Variants in SH3RF1 observed in about 807,000 individuals in gnomAD.
SH3RF1 encodes SH3 domain containing ring finger 1, also known as E3 ubiquitin-protein ligase SH3RF1.
In SH3RF1, 32 loss-of-function variants were observed where a neutral mutation model predicts 74.0. That is an observed-to-expected ratio of 0.43 (90% CI 0.33 to 0.58). The LOEUF (loss-of-function observed/expected upper bound fraction) is 0.58, where lower values mean the gene tolerates loss of function less well. Among genes scored for constraint, SH3RF1 ranks in the 20% least tolerant of loss-of-function variants. The pLI is 0.05. For missense variants in SH3RF1, 954 were observed against 1,130.9 expected, an observed-to-expected ratio of 0.84 and a Z score of 2.24; for synonymous variants, 396 against 439.6, an observed-to-expected ratio of 0.90 and a Z score of 1.24.
intron 2 of SH3RF1, among the ~76,000 whole-genome samples, chr4:169,158,402 A>C (rs1734096830): frequency 6.6e-6 from 1 of 152,226 alleles, no homozygotes; most frequent in Non-Finnish European, 1.5e-5. Flanking sequence ...TGGGGAGCAT[A>C]AAGAATGCAG....
chr4:169,266,276 C>T (rs925815210), intron 2 of SH3RF1, among the ~76,000 whole-genome samples: 4 of 152,194 alleles, frequency 2.6e-5, no homozygotes, highest in Non-Finnish European at 5.9e-5. Context: ...CAGAACATAA[C>T]TAATAAACTG....
chr4:169,202,314 T>C (rs901865045), intron 2 of SH3RF1, among the ~76,000 whole-genome samples: 2 of 152,176 alleles, frequency 1.3e-5, no homozygotes, highest in East Asian at 3.9e-4. Context: ...GGAGGCTAGT[T>C]CTTGGTATGA....
chr4:169,145,591 A>C (rs1733862681), intron 4 of SH3RF1, among the ~76,000 whole-genome samples: 1 of 141,148 alleles, frequency 7.1e-6, no homozygotes, highest in Non-Finnish European at 1.5e-5. Flanking sequence ...TATCATATAT[A>C]ATAATGGTCA....
At chr4:169,117,474 G>A in intron 9 of SH3RF1, 49 bp downstream of exon 9, 2 of 1,590,674 alleles carry the variant, frequency 1.3e-6, no homozygotes, top group Non-Finnish European at 8.6e-7. Flanking sequence ...CTACTATTAG[G>A]CAGGTAAGCC....
In SH3RF1 at chr4:169,156,608, G is replaced by A. The variant is rs770550740; in HGVS notation, c.465C>T (p.Phe155=). The A allele has an allele frequency of 4.3e-6, 7 of 1,613,784 alleles. No homozygotes were observed. The highest frequency in any genetic ancestry group is 4.0e-5 in the African/African-American group (3 of 74,852). The change falls in exon 3 of 12, where the codon TTC becomes TTT. Residue 155 remains phenylalanine (F), a synonymous_variant. Coordinates refer to ENST00000284637, the MANE Select transcript of SH3RF1 (RefSeq NM_020870.4). ...YEGKEPGDLK[F]SKGDIIILRR... is the part of the protein sequence containing the mutation. ...GCAAAATGATGATGTCACCTTTGCT[G>A]AATTTAAGGTCTCCAGGCTCTTTTC... is the stretch of plus-strand genomic sequence containing the variant.
At chr4:169,217,553 G>A (rs1730487496) in intron 2 of SH3RF1, 1 of 152,190 alleles carries the variant, frequency 6.6e-6, no homozygotes, top group Admixed American at 6.6e-5. Flanking sequence ...ACTAGAGACA[G>A]AAAGAAAAGC....
chr4:169,122,342 G>A (rs1733455362), intron 6 of SH3RF1, 76 bp from the exon 7 acceptor site: 1 of 1,444,882 alleles, frequency 6.9e-7, no homozygotes, highest in Non-Finnish European at 9.3e-7. Flanking sequence ...ATGGAAGGTG[G>A]GAGAGAAAAA....
intron 2 of SH3RF1, among the ~76,000 whole-genome samples, chr4:169,175,722 T>TA (rs1052363689): frequency 6.6e-6 from 1 of 152,130 alleles, no homozygotes; most frequent in Non-Finnish European, 1.5e-5. Flanking sequence ...CCATAAGCTC[T>TA]AAAAAAACTG....
intron 2 of SH3RF1, among the ~76,000 whole-genome samples, chr4:169,199,782 T>C (rs145382708): frequency 3.1e-4 from 47 of 152,194 alleles, no homozygotes; most frequent in African/African-American, 1.0e-3. Context: ...TAAAAAGGTG[T>C]GACAAATATA....
At chr4:169,113,867 A>G (rs751725973) in intron 10 of SH3RF1, among the ~76,000 whole-genome samples, 9 of 152,214 alleles carry the variant, frequency 5.9e-5, no homozygotes, top group Admixed American at 1.3e-4. Context: ...AGCATTAGAG[A>G]AAAGACACAA....
At chr4:169,106,140 T>G (rs1733130682) in intron 11 of SH3RF1, among the ~76,000 whole-genome samples, 1 of 151,528 alleles carries the variant, frequency 6.6e-6, no homozygotes, top group Non-Finnish European at 1.5e-5. Context: ...TGAGATGGAG[T>G]CCTGCTCTGT....
At chr4:169,120,732 G>T in intron 8 of SH3RF1, 87 bp downstream of exon 8, 1 of 1,414,248 alleles carries the variant, frequency 7.1e-7, no homozygotes, top group Non-Finnish European at 9.6e-7. Flanking sequence ...ATTATAATGT[G>T]AAAGGAATCT....
chr4:169,151,986 T>A lies in SH3RF1; in HGVS notation c.765+3494A>T, dbSNP rs150556211. Among the ~76,000 whole-genome samples the A allele has an allele frequency of 4.8e-3, 734 of 152,312 alleles. 5 individuals carry two copies. Among genetic ancestry groups the A allele is most frequent in the Non-Finnish European group, 8.6e-3 (587 of 68,026 alleles). On this transcript the variant is annotated intron_variant, in intron 4 of 11. Transcript: ENST00000284637. ...ATGAGTCAGCTCCAAATTAATAGGGTTAAAAATCTTTCCTTCTATTTTACA... is the reference window on the plus strand; with the variant it reads ...ATGAGTCAGCTCCAAATTAATAGGGATAAAAATCTTTCCTTCTATTTTACA...
At chr4:169,142,763 A>G (rs1733807340) in intron 4 of SH3RF1, among the ~76,000 whole-genome samples, 1 of 152,240 alleles carries the variant, frequency 6.6e-6, no homozygotes, top group Non-Finnish European at 1.5e-5. Context: ...AATGCTATGG[A>G]ATGGAAATTC....
intron 2 of SH3RF1, among the ~76,000 whole-genome samples, chr4:169,240,897 T>C (rs568842323): frequency 5.3e-5 from 8 of 152,248 alleles, no homozygotes; most frequent in East Asian, 1.9e-4. Flanking sequence ...ATCCCCCTCA[T>C]TGCAAGGAAG....
At chr4:169,161,739 A>G (rs1734151182) in intron 2 of SH3RF1, among the ~76,000 whole-genome samples, 1 of 152,256 alleles carries the variant, frequency 6.6e-6, no homozygotes, top group Non-Finnish European at 1.5e-5. Context: ...TAACTCAGTT[A>G]TATCTAAATT....
chr4:169,192,117 A>C (rs953319639), intron 2 of SH3RF1, among the ~76,000 whole-genome samples: 18 of 152,324 alleles, frequency 1.2e-4, no homozygotes, highest in Admixed American at 5.2e-4. Flanking sequence ...CAACCCACAG[A>C]GTGGGAGAAA....
At chr4:169,264,185 G>T (rs116734530) in intron 2 of SH3RF1, among the ~76,000 whole-genome samples, 2,223 of 152,294 alleles carry the variant, frequency 0.015, 52 homozygotes, top group African/African-American at 0.05. Context: ...CTGGAGGCTG[G>T]AAGTCCAAGA....
intron 2 of SH3RF1, among the ~76,000 whole-genome samples, chr4:169,266,142 A>T (rs1731351102): frequency 6.6e-6 from 1 of 152,196 alleles, no homozygotes; most frequent in Non-Finnish European, 1.5e-5. Flanking sequence ...ATTAGGCAGG[A>T]AACACTAAAA....
Sources: gnomAD v4.1 joint callset for allele counts (sites outside exome capture counted in the v4.1 genomes callset) on GRCh38, gnomAD v4.1.1 for gene constraint, MANE v1.5 for transcripts, NCBI Gene and HGNC (gene_info 2026-07-23, HGNC 2026-07-21) for gene names.